AHNAK: variants seen among roughly 807,000 people sequenced by gnomAD.
AHNAK encodes neuroblast differentiation-associated protein AHNAK.
AHNAK carries 23 observed loss-of-function variants against 37.8 expected under a neutral mutation model. The observed-to-expected ratio is 0.61, with a 90% confidence interval of 0.44 to 0.86. The LOEUF (loss-of-function observed/expected upper bound fraction) is 0.86. AHNAK is among the 40% of genes least tolerant of loss of function. The pLI, the probability that AHNAK is intolerant of heterozygous loss-of-function variation, is 0.00. For synonymous variants in AHNAK, 2,481 were observed against 2,636.3 expected (o/e 0.94, Z 1.80); for missense variants, 7,411 against 7,319.4 (o/e 1.01, Z -0.46).
In AHNAK at chr11:62,519,296, C is replaced by G; in HGVS notation, c.15121G>C (p.Gly5041Arg). The change falls in exon 5 of 5, where the codon GGA becomes CGA. Residue 5041 changes from glycine to arginine, a missense_variant. Transcript: ENST00000378024. ...CCCCCAGGAACATTCAGGTCAAATC[C>G]CTGTTTTTTGGCCTTAATCTTAGGA... ...SGPKIKAKKQ[G>R]FDLNVPGGEI... The G allele has an allele frequency of 1.2e-6, 2 of 1,614,112 alleles. No homozygotes were observed. The highest frequency in any genetic ancestry group is 1.7e-6 in the Non-Finnish European group (2 of 1,180,018).
intron 5 of AHNAK, among the ~76,000 whole-genome samples, chr11:62,454,428 A>G (rs1453536835): frequency 7.6e-6 from 1 of 131,588 alleles, no homozygotes; most frequent in Non-Finnish European, 1.8e-5. Context: ...AAAAAAAAAA[A>G]GAAAAGAAAA....
At chr11:62,442,676 G>A (rs1938332661) in intron 5 of AHNAK, among the ~76,000 whole-genome samples, 2 of 152,042 alleles carry the variant, frequency 1.3e-5, no homozygotes, top group Admixed American at 1.3e-4. Flanking sequence ...TTCCAGACCA[G>A]CCTGGCCAAC....
chr11:62,519,731 C>T lies in AHNAK; in HGVS notation c.14686G>A (p.Asp4896Asn). 1.2e-6 allele frequency: 2 copies of T among 1,613,794 alleles called. No homozygotes were observed. The highest frequency in any genetic ancestry group is 2.2e-5 in the East Asian group (1 of 44,886). The change falls in exon 5 of 5, where the codon GAT becomes AAT. Residue 4896 changes from aspartate to asparagine, a missense_variant. By Grantham distance (23) the Asp-to-Asn change is conservative. Transcript: ENST00000378024. ...KGPRLDFEGP[D>N]AKLSGPSLKM... ...AAAGATGGGCCACTGAGTTTGGCAT[C>T]AGGGCCTTCGAAATCCAGACGTGGA... is the stretch of plus-strand genomic sequence containing the variant.
rs1282932176 is a variant in AHNAK at position 62,530,351 on chromosome 11, C to A, written c.4066G>T (p.Asp1356Tyr). 5.0e-6 allele frequency: 8 copies of A among 1,613,890 alleles called. No homozygotes were observed. In the East Asian group the frequency reaches 1.6e-4, roughly 31 times the overall value. Reference protein sequence around the residue: ...PEVEGEMKVPDVDIKGPKVDI... With the variant: ...PEVEGEMKVPYVDIKGPKVDI... ...ACTTTGGGCCCTTTAATGTCAACATCTGGCACTTTCATTTCACCTTCTACC... is the reference window on the plus strand; with the variant it reads ...ACTTTGGGCCCTTTAATGTCAACATATGGCACTTTCATTTCACCTTCTACC... The change falls in exon 5 of 5, where the codon GAT (aspartate) becomes TAT (tyrosine). Residue 1356 changes from aspartate (D) to tyrosine (Y), a missense_variant. Physicochemically the swap from Asp to Tyr is radical, Grantham distance 160 (BLOSUM62 -3). Transcript: ENST00000378024.
In AHNAK at chr11:62,529,690, G is replaced by A. The variant is rs75855515; in HGVS notation, c.4727C>T (p.Thr1576Met). 45,185 of 1,613,956 alleles carry A rather than the reference G, an allele frequency of 0.028. 695 individuals are homozygous for A. Among genetic ancestry groups the A allele is most frequent in the Middle Eastern group, 0.068 (410 of 6,062 alleles). ...KFKMPSMNIQTHKISMPDVGL... is the reference protein window; with the variant it reads ...KFKMPSMNIQMHKISMPDVGL... ...AACATCAGGCATAGAGATTTTGTGCGTCTGTATATTCATGCTTGGCATCTT... is the reference window on the plus strand; with the variant it reads ...AACATCAGGCATAGAGATTTTGTGCATCTGTATATTCATGCTTGGCATCTT... The change falls in exon 5 of 5, where the codon ACG becomes ATG. Residue 1576 changes from threonine (T) to methionine (M), a missense_variant. Transcript: ENST00000378024.
At position 62,527,917 on chromosome 11, in the gene AHNAK, A is replaced by C; in HGVS notation, c.6500T>G (p.Leu2167Trp). ...AGGCATCTTAAACTTGGGCCCTTTC[A>C]ACTTTGCATCAGGACACTCCAGCTC... The part of the protein sequence containing the change: ...DVELECPDAK[L>W]KGPKFKMPEM... Residue 2167 changes from leucine to tryptophan, a missense_variant, in exon 5 of 5, where the codon TTG becomes TGG. Transcript: ENST00000378024. 6.2e-7 allele frequency: 1 copy of C among 1,613,036 alleles called. No homozygotes were observed. The highest frequency in any genetic ancestry group is 1.3e-5 in the African/African-American group (1 of 74,596).
rs1940226494 is a variant in AHNAK, at chr11:62,521,210, C to T, written c.13207G>A (p.Val4403Met). The change falls in exon 5 of 5, where the codon GTG (valine) becomes ATG (methionine). Residue 4403 changes from valine to methionine, a missense_variant. Transcript: ENST00000378024. The part of the protein sequence containing the change: ...NLKGPKVKGD[V>M]DVSLPKVEGD... ...TCCACTTTGGGCAGAGAGACATCCA[C>T]ATCACCTTTCACTTTGGGACCCTTC... is the stretch of plus-strand genomic sequence containing the variant. 2.5e-6 allele frequency: 4 copies of T among 1,613,998 alleles called. No homozygotes were observed. Among genetic ancestry groups the T allele is most frequent in the African/African-American group, 2.7e-5 (2 of 74,888 alleles).
intron 4 of AHNAK, among the ~76,000 whole-genome samples, chr11:62,495,218 C>A (rs1939585289): frequency 1.3e-5 from 2 of 152,034 alleles, no homozygotes; most frequent in South Asian, 4.2e-4. Flanking sequence ...TGAATCCAAA[C>A]TACCTGGTTC....
intron 4 of AHNAK, among the ~76,000 whole-genome samples, chr11:62,497,985 C>T (rs1174213398): frequency 6.6e-6 from 1 of 151,612 alleles, no homozygotes; most frequent in Non-Finnish European, 1.5e-5. Flanking sequence ...AAAGTAAACA[C>T]TGGAAATGAC....
chr11:62,468,358 GA>G lies in AHNAK; in HGVS notation c.442+23373del, dbSNP rs67985309. ...GCGAGACTCTGTCTCCCAAAAAAAA[GA>G]AAAAAAAAAAAAATATATATATATA... On this transcript the variant is annotated intron_variant, in intron 5 of 5. Coordinates refer to the AHNAK transcript ENST00000257247. 4.2e-3 allele frequency among the ~76,000 whole-genome samples: 624 copies of G among 148,376 alleles called. 5 individuals carry two copies. The highest frequency in any genetic ancestry group is 0.014 in the South Asian group (66 of 4,700).
chr11:62,528,214 A>G lies in AHNAK; in HGVS notation c.6203T>C (p.Val2068Ala), dbSNP rs763815631. 2 of 1,613,768 alleles carry G rather than the reference A, an allele frequency of 1.2e-6. No individual in the cohort carries two copies. The highest frequency in any genetic ancestry group is 2.2e-5 in the South Asian group (2 of 91,070). The stretch of plus-strand genomic sequence containing the variant: ...ATCAGCCTTGGGCAAGTTCACATCC[A>G]CTTCTGGGCCCTCTGCTTTGAAGCC... ...MPGFKAEGPE[V>A]DVNLPKADVV... Residue 2068 changes from valine (V) to alanine (A), a missense_variant, in exon 5 of 5, where the codon GTG (valine) becomes GCG (alanine). By Grantham distance (64) the Val-to-Ala change is moderately conservative. Coordinates refer to ENST00000378024, the MANE Select transcript of AHNAK (RefSeq NM_001620.3).
chr11:62,519,914 G>A lies in AHNAK; in HGVS notation c.14503C>T (p.Pro4835Ser), dbSNP rs1034625233. 2 of 1,613,822 alleles carry A rather than the reference G, an allele frequency of 1.2e-6. No individual in the cohort carries two copies. The highest frequency in any genetic ancestry group is 1.7e-5 in the Admixed American group (1 of 59,980). ...IEGPDAKLKG[P>S]KFKMPEINIK... The stretch of plus-strand genomic sequence containing the variant: ...TTTATTTCAGGCATCTTGAACTTGG[G>A]GCCCTTCAGTTTTGCGTCTGGACCT... The change falls in exon 5 of 5, where the codon CCC (proline) becomes TCC (serine). Residue 4835 changes from proline to serine, a missense_variant. By Grantham distance (74) the Pro-to-Ser change is moderately conservative. Coordinates refer to ENST00000378024, the MANE Select transcript of AHNAK (RefSeq NM_001620.3).
intron 5 of AHNAK, among the ~76,000 whole-genome samples, chr11:62,442,516 C>A (rs1469130714): frequency 6.6e-6 from 1 of 151,966 alleles, no homozygotes; most frequent in Admixed American, 6.6e-5. Context: ...CCACTGCACT[C>A]CAGCCTGGGT....
intron 5 of AHNAK, among the ~76,000 whole-genome samples, chr11:62,471,238 G>A (rs543264670): frequency 1.6e-4 from 25 of 152,288 alleles, no homozygotes; most frequent in Admixed American, 1.2e-3. Flanking sequence ...GTGGGAGGCC[G>A]TCCTGTATGT....
chr11:62,501,868 G>T (rs1157636936), intron 4 of AHNAK, among the ~76,000 whole-genome samples: 1 of 152,214 alleles, frequency 6.6e-6, no homozygotes, highest in Non-Finnish European at 1.5e-5. Flanking sequence ...CATTGCTGCA[G>T]GTGGGAAACA....
intron 1 of AHNAK, among the ~76,000 whole-genome samples, chr11:62,539,941 A>G (rs1941073089): frequency 6.6e-6 from 1 of 152,208 alleles, no homozygotes; most frequent in South Asian, 2.1e-4. Context: ...GGCGTGGGAT[A>G]CTGTGTAGCC....
chr11:62,466,594 C>T (rs1938917797), intron 5 of AHNAK, among the ~76,000 whole-genome samples: 1 of 151,848 alleles, frequency 6.6e-6, no homozygotes, highest in African/African-American at 2.4e-5. Context: ...TGTCTCTCAC[C>T]CCTGCCTCCT....
intron 4 of AHNAK, among the ~76,000 whole-genome samples, chr11:62,508,271 C>A (rs554027225): frequency 3.3e-5 from 5 of 152,090 alleles, no homozygotes; most frequent in Admixed American, 2.6e-4. Flanking sequence ...AAAAAAAATT[C>A]TTTTTTTAAT....
chr11:62,475,303 C>CAA (rs35747698), intron 5 of AHNAK, among the ~76,000 whole-genome samples: 1 of 151,384 alleles, frequency 6.6e-6, no homozygotes, highest in Non-Finnish European at 1.5e-5. Context: ...GACTTTGTCT[C>CAA]AAAAAAAAGG....
Sources: allele counts gnomAD v4.1 joint callset (sites outside exome capture counted in the v4.1 genomes callset), GRCh38; gene constraint gnomAD v4.1.1; transcripts MANE v1.5; gene names NCBI Gene and HGNC (gene_info 2026-07-23, HGNC 2026-07-21).